The following MRAP2 variants were observed in gnomAD, a reference collection of about 807,000 sequenced individuals.
MRAP2 encodes the protein melanocortin 2 receptor accessory protein 2.
A neutral mutation model predicts 17.4 loss-of-function variants in MRAP2; 20 were observed. The observed-to-expected ratio is 1.15, with a 90% confidence interval of 0.81 to 1.67. The LOEUF is 1.67. Among genes scored for constraint, MRAP2 ranks in the 40% most tolerant of loss-of-function variants. The pLI is 0.00. For missense variants in MRAP2, 238 were observed against 240.0 expected (o/e 0.99, Z 0.05); for synonymous variants, 96 against 88.4 (o/e 1.09, Z -0.48).
At chr6:84,044,122 G>T (rs112659403) in intron 1 of MRAP2, among the ~76,000 whole-genome samples, 17,116 of 152,200 alleles carry the variant, frequency 0.11, 1,061 homozygotes, top group Middle Eastern at 0.23. Context: ...GCACCTATAT[G>T]AATTTCCTCG....
chr6:84,035,013 A>C (rs1038131241), intron 1 of MRAP2, among the ~76,000 whole-genome samples: 1 of 152,160 alleles, frequency 6.6e-6, no homozygotes, highest in African/African-American at 2.4e-5. Flanking sequence ...GGCCACTGTG[A>C]GCTGGGGTAC....
At chr6:84,130,180 AC>A in the MRAP2 span, among the ~76,000 whole-genome samples, 1 of 152,154 alleles carries the variant, frequency 6.6e-6, no homozygotes, top group African/African-American at 2.4e-5. Context: ...CGTATGGTGA[AC>A]CAGACTTGCA....
the MRAP2 span, among the ~76,000 whole-genome samples, chr6:84,119,585 C>G: frequency 2.6e-5 from 4 of 152,176 alleles, no homozygotes; most frequent in Non-Finnish European, 5.9e-5. Context: ...TGAGCTCATC[C>G]TTTTAAAAAT....
the MRAP2 span, among the ~76,000 whole-genome samples, chr6:84,142,116 C>T: frequency 1.3e-5 from 2 of 152,108 alleles, no homozygotes; most frequent in African/African-American, 2.4e-5. Flanking sequence ...TTTTTTTAAA[C>T]ACACTGCTAT....
upstream of MRAP2, chr6:84,033,690 T>C (rs2099485120): frequency 1.0e-6 from 1 of 985,294 alleles, no homozygotes; most frequent in African/African-American, 1.7e-5. Flanking sequence ...GCTCCCGCGC[T>C]GCAGCCCTGC....
the MRAP2 span, among the ~76,000 whole-genome samples, chr6:84,110,422 C>G: frequency 6.6e-6 from 1 of 152,114 alleles, no homozygotes; most frequent in South Asian, 2.1e-4. Flanking sequence ...CCTTCACCCA[C>G]TTTTTGATGG....
chr6:84,119,564 A>G, the MRAP2 span, among the ~76,000 whole-genome samples: 1 of 152,218 alleles, frequency 6.6e-6, no homozygotes, highest in Admixed American at 6.5e-5. Context: ...TGAGCCAGAA[A>G]TTCAAATCCC....
chr6:84,141,119 A>G, the MRAP2 span, among the ~76,000 whole-genome samples: 2 of 152,150 alleles, frequency 1.3e-5, no homozygotes, highest in Non-Finnish European at 2.9e-5. Context: ...CCCCCTGCTC[A>G]TCTGCTGAGA....
chr6:84,112,063 TC>T, the MRAP2 span, among the ~76,000 whole-genome samples: 1 of 152,236 alleles, frequency 6.6e-6, no homozygotes, highest in South Asian at 2.1e-4. Context: ...CCTGAAATTT[TC>T]TTTTTTTGCT....
intron 2 of MRAP2, chr6:84,062,679 C>A: frequency 1.0e-6 from 1 of 985,394 alleles, no homozygotes; most frequent in Admixed American, 6.1e-5. Context: ...GCCTAAATCC[C>A]TTCATGCTAT....
At chr6:84,064,720 T>C (rs372145414) in intron 3 of MRAP2, among the ~76,000 whole-genome samples, 2,598 of 152,160 alleles carry the variant, frequency 0.017, 74 homozygotes, top group African/African-American at 0.057. Context: ...ATCTGCTGAC[T>C]TCGTGATCCG....
At chr6:84,105,939 A>T in the MRAP2 span, among the ~76,000 whole-genome samples, 1 of 152,150 alleles carries the variant, frequency 6.6e-6, no homozygotes, top group Non-Finnish European at 1.5e-5. Context: ...GGTAATGTGG[A>T]GTGGTGCCAT....
At chr6:84,110,775 G>T in the MRAP2 span, among the ~76,000 whole-genome samples, 1 of 152,282 alleles carries the variant, frequency 6.6e-6, no homozygotes, top group South Asian at 2.1e-4. Flanking sequence ...GTTAATTTTT[G>T]TATAAGGTGT....
In MRAP2 at chr6:84,054,108, ATGACTGG is replaced by A. The variant is rs1406978603; in HGVS notation, c.-7-1197_-7-1191del. Among the ~76,000 whole-genome samples the A allele has an allele frequency of 1.5e-4, 23 of 152,264 alleles. No homozygotes were observed. The East Asian group carries it at 1.5e-3, about 10-fold the overall frequency. The stretch of plus-strand genomic sequence containing the variant: ...TGCTTCAAGAATCTTGAAGCTCAAG[ATGACTGG>A]TGACTGCTCAGTGAATCTTTGTTAC... On this transcript the variant is annotated intron_variant, in intron 1 of 3. Coordinates refer to ENST00000257776, the MANE Select transcript of MRAP2 (RefSeq NM_138409.4).
At chr6:84,079,102 T>C (rs1397688597) in intron 3 of MRAP2, among the ~76,000 whole-genome samples, 1 of 152,300 alleles carries the variant, frequency 6.6e-6, no homozygotes, top group Admixed American at 6.5e-5. Context: ...AAAGAGACTT[T>C]TCAACAACGT....
At chr6:84,140,119 G>C in the MRAP2 span, among the ~76,000 whole-genome samples, 4 of 152,150 alleles carry the variant, frequency 2.6e-5, no homozygotes, top group Admixed American at 2.6e-4. Flanking sequence ...ACAAGCATTG[G>C]CTTGTGTCAG....
chr6:84,054,208 T>A (rs1192982784), intron 1 of MRAP2, among the ~76,000 whole-genome samples: 1 of 152,108 alleles, frequency 6.6e-6, no homozygotes, highest in Non-Finnish European at 1.5e-5. Context: ...CTTTCTCCAT[T>A]ATAAGGGAAG....
At chr6:84,076,801 G>C (rs1412346273) in intron 3 of MRAP2, among the ~76,000 whole-genome samples, 1 of 152,200 alleles carries the variant, frequency 6.6e-6, no homozygotes, top group Non-Finnish European at 1.5e-5. Flanking sequence ...CACAGCAGCA[G>C]GTATTTCATT....
At chr6:84,145,751 TCAC>T in the MRAP2 span, among the ~76,000 whole-genome samples, 2 of 151,904 alleles carry the variant, frequency 1.3e-5, no homozygotes, top group East Asian at 1.9e-4. Flanking sequence ...CTGCAGAGAG[TCAC>T]CACAACAGCT....
Sources: allele counts gnomAD v4.1 joint callset (sites outside exome capture counted in the v4.1 genomes callset), GRCh38; gene constraint gnomAD v4.1.1; transcripts MANE v1.5; gene names NCBI Gene and HGNC (gene_info 2026-07-23, HGNC 2026-07-21).